NRG2: variants seen among roughly 807,000 people sequenced by gnomAD.
NRG2 encodes neuregulin 2, also known as pro-neuregulin-2, membrane-bound isoform.
NRG2 carries 27 observed loss-of-function variants against 73.9 expected under a neutral mutation model. The ratio of observed to expected loss-of-function variants is 0.37; its 90% CI spans 0.27 to 0.50. NRG2 has a LOEUF of 0.50. Ranked by LOEUF, NRG2 falls within the 20% of genes least tolerant of loss-of-function variation. The probability of loss-of-function intolerance (pLI) is 0.96; values close to 1 mark genes in which losing one functional copy is unlikely to be tolerated. For synonymous variants in NRG2, 532 were observed against 541.0 expected, an observed-to-expected ratio of 0.98 and a Z score of 0.23; for missense variants, 1,126 against 1,210.1, an observed-to-expected ratio of 0.93 and a Z score of 1.03.
chr5:139,968,638 C>A (rs2126524786), intron 1 of NRG2, among the ~76,000 whole-genome samples: 1 of 152,342 alleles, frequency 6.6e-6, no homozygotes, highest in African/African-American at 2.4e-5. Context: ...GCTGTCCACA[C>A]TGGGAGCTCT....
At chr5:139,966,200 C>T (rs147136307) in intron 1 of NRG2, among the ~76,000 whole-genome samples, 1 of 152,142 alleles carries the variant, frequency 6.6e-6, no homozygotes, top group Non-Finnish European at 1.5e-5. Context: ...AGGAGTGATG[C>T]ACCTAAACAC....
intron 1 of NRG2, among the ~76,000 whole-genome samples, chr5:139,892,287 A>G (rs1764262486): frequency 6.6e-6 from 1 of 152,222 alleles, no homozygotes; most frequent in South Asian, 2.1e-4. Context: ...GACCTCCCCA[A>G]GATGGCCCTG....
rs1761841377 is a variant in NRG2 at position 139,856,883 on chromosome 5, C to T, written c.1190-1105G>A. Among the ~76,000 whole-genome samples, 1 of 152,216 alleles carries T rather than the reference C, an allele frequency of 6.6e-6. No homozygotes were observed. Among genetic ancestry groups the T allele is most frequent in the Non-Finnish European group, 1.5e-5 (1 of 68,030 alleles). ...ACACACACGCCCATGCCCACTGACA[C>T]ACAGTTGGATGGAGTTGTAAACAAC... On this transcript the variant is annotated intron_variant, in intron 5 of 9. Coordinates refer to ENST00000361474, the MANE Select transcript of NRG2 (RefSeq NM_004883.3). This position sits in a 1 kb window ranked among gnomAD's most constrained non-coding sequence, Gnocchi z 4.2.
intron 1 of NRG2, among the ~76,000 whole-genome samples, chr5:139,958,251 C>T (rs1460669650): frequency 1.3e-5 from 2 of 152,102 alleles, no homozygotes; most frequent in African/African-American, 4.8e-5. Flanking sequence ...GCTCTCAGTT[C>T]ATTCTCACAT....
At chr5:139,898,583 G>A (rs959600381) in intron 1 of NRG2, among the ~76,000 whole-genome samples, 1 of 152,202 alleles carries the variant, frequency 6.6e-6, no homozygotes, top group Non-Finnish European at 1.5e-5. Flanking sequence ...CCGAGGCAAA[G>A]CCTGTGACCT....
intron 1 of NRG2, among the ~76,000 whole-genome samples, chr5:140,034,995 GA>G (rs1166954129): frequency 1.3e-5 from 2 of 152,162 alleles, no homozygotes; most frequent in African/African-American, 4.8e-5. Flanking sequence ...GTCAAAGTGG[GA>G]AGATCACTTG....
chr5:139,880,984 G>T lies in NRG2; in HGVS notation c.873-10C>A. 8 of 1,611,992 alleles carry T rather than the reference G, an allele frequency of 5.0e-6. No homozygotes were observed. Among genetic ancestry groups the T allele is most frequent in the Non-Finnish European group, 6.8e-6 (8 of 1,178,174 alleles). On this transcript the variant is annotated splice_polypyrimidine_tract_variant and intron_variant, in intron 2 of 9. Coordinates refer to ENST00000361474, the MANE Select transcript of NRG2 (RefSeq NM_004883.3). The stretch of plus-strand genomic sequence containing the variant: ...TAGTCGTGAGTTCTTTCTGGTTAGG[G>T]AGGGGATAAAAGGGGGAGAGGCGTG...
intron 1 of NRG2, among the ~76,000 whole-genome samples, chr5:139,960,632 A>C (rs552037383): frequency 6.6e-6 from 1 of 152,338 alleles, no homozygotes; most frequent in South Asian, 2.1e-4. Flanking sequence ...CAGTTTCCTC[A>C]TCTGTAAATG....
chr5:139,899,759 C>T (rs1411592215), intron 1 of NRG2, among the ~76,000 whole-genome samples: 1 of 152,200 alleles, frequency 6.6e-6, no homozygotes, highest in Non-Finnish European at 1.5e-5. Flanking sequence ...GGAGGGCCTG[C>T]TCCAAGTGGA....
At chr5:140,021,186 T>C (rs1414284160) in intron 1 of NRG2, among the ~76,000 whole-genome samples, 1 of 152,216 alleles carries the variant, frequency 6.6e-6, no homozygotes, top group Non-Finnish European at 1.5e-5. Flanking sequence ...AAAGCAAATA[T>C]CATTAGCTCT....
chr5:139,950,060 A>T (rs1754081879), intron 1 of NRG2, among the ~76,000 whole-genome samples: 1 of 152,222 alleles, frequency 6.6e-6, no homozygotes, highest in Non-Finnish European at 1.5e-5. Context: ...CCTAGGGGGA[A>T]ACCTGATTAA....
chr5:139,864,590 C>T (rs1762361436), intron 5 of NRG2, among the ~76,000 whole-genome samples: 3 of 151,966 alleles, frequency 2.0e-5, no homozygotes, highest in Admixed American at 1.3e-4. Flanking sequence ...ATCCTGTAGC[C>T]ACATAAATAT....
rs139552724 is a variant in NRG2 at position 139,853,908 on chromosome 5, G to A, written c.1293-881C>T. On this transcript the variant is annotated intron_variant, in intron 6 of 9. Coordinates refer to ENST00000361474, the MANE Select transcript of NRG2 (RefSeq NM_004883.3). This position sits in a 1 kb window ranked among gnomAD's most constrained non-coding sequence, Gnocchi z 4.1. The stretch of plus-strand genomic sequence containing the variant: ...ATAATTTAATTATACATTTAAAAGA[G>A]TATAACTGGATTGCTTGTAACACAA... 5.3e-5 allele frequency among the ~76,000 whole-genome samples: 8 copies of A among 152,238 alleles called. No individual in the cohort carries two copies. In the East Asian group the frequency reaches 7.7e-4, roughly 15 times the overall value.
chr5:139,928,637 T>G (rs1752240167), intron 1 of NRG2, among the ~76,000 whole-genome samples: 1 of 152,190 alleles, frequency 6.6e-6, no homozygotes, highest in African/African-American at 2.4e-5. Context: ...AAATTGTGTC[T>G]CTGATGCTGG....
At chr5:139,981,945 G>A (rs1451420208) in intron 1 of NRG2, among the ~76,000 whole-genome samples, 1 of 152,194 alleles carries the variant, frequency 6.6e-6, no homozygotes, top group East Asian at 1.9e-4. Context: ...GGTCTCTAGG[G>A]GTGGCGCTGG....
intron 2 of NRG2, among the ~76,000 whole-genome samples, chr5:139,885,987 G>A (rs2127123532): frequency 6.6e-6 from 1 of 152,216 alleles, no homozygotes; most frequent in South Asian, 2.1e-4. Flanking sequence ...CAGTGAGAAG[G>A]GGTGGGGTGG....
At chr5:139,897,549 G>T (rs1764622310) in intron 1 of NRG2, among the ~76,000 whole-genome samples, 1 of 152,168 alleles carries the variant, frequency 6.6e-6, no homozygotes, top group Non-Finnish European at 1.5e-5. Context: ...TGAGGAGCTG[G>T]TGGGGGCATG....
intron 1 of NRG2, among the ~76,000 whole-genome samples, chr5:139,896,372 G>C (rs754148875): frequency 6.6e-6 from 1 of 152,172 alleles, no homozygotes; most frequent in African/African-American, 2.4e-5. Context: ...AGGCTCATGT[G>C]CTCACCATGG....
rs1488345912 is a variant in NRG2 at position 139,847,660 on chromosome 5, GTTTC to G, written c.*253_*256del. 5 of 320,992 alleles carry G rather than the reference GTTTC, an allele frequency of 1.6e-5. No individual in the cohort carries two copies. The highest frequency in any genetic ancestry group is 1.4e-4 in the South Asian group (1 of 7,000). The allele number at this position is 320,992 out of a possible 1,614,324, so 19.9% of individuals were successfully genotyped here. On this transcript the variant is annotated 3_prime_UTR_variant, in exon 10 of 10. Coordinates refer to ENST00000361474, the MANE Select transcript of NRG2 (RefSeq NM_004883.3). ...GGCCCATCTCTCTTTTTTTTTTGTT[GTTTC>G]TTTTTTTTTTCCGAAGCTGTAAATC...
Sources: allele counts gnomAD v4.1 joint callset (sites outside exome capture counted in the v4.1 genomes callset), GRCh38; gene constraint gnomAD v4.1.1; non-coding constraint Gnocchi (gnomAD v3.1); transcripts MANE v1.5; gene names NCBI Gene and HGNC (gene_info 2026-07-23, HGNC 2026-07-21).